EYS: variants seen among roughly 807,000 people sequenced by gnomAD.
EYS encodes the protein protein eyes shut homolog.
In EYS, 250 loss-of-function variants were observed where a neutral mutation model predicts 282.1. The observed-to-expected ratio is 0.89, with a 90% CI of 0.80 to 0.98. The LOEUF (loss-of-function observed/expected upper bound fraction) is 0.98, where lower values mean the gene tolerates loss of function less well. Ranked by LOEUF, EYS falls within the 50% of genes least tolerant of loss-of-function variation. The pLI is 0.00. For missense variants in EYS, 4,016 were observed against 3,709.0 expected, an observed-to-expected ratio of 1.08 and a Z score of -2.15; for synonymous variants, 1,355 against 1,282.9, an observed-to-expected ratio of 1.06 and a Z score of -1.20.
chr6:65,377,624 C>G (rs1261792899), intron 8 of EYS, among the ~76,000 whole-genome samples: 1 of 151,864 alleles, frequency 6.6e-6, no homozygotes, highest in Non-Finnish European at 1.5e-5. Flanking sequence ...AGATAGACCA[C>G]TAGCCAGTCT....
chr6:64,023,393 A>C (rs1397162620), intron 33 of EYS, among the ~76,000 whole-genome samples: 1 of 152,236 alleles, frequency 6.6e-6, no homozygotes, highest in East Asian at 1.9e-4. Context: ...TATAGTAAAT[A>C]CGTGTTTAAC....
chr6:63,908,170 A>G (rs1773831484), intron 35 of EYS, among the ~76,000 whole-genome samples: 1 of 151,542 alleles, frequency 6.6e-6, no homozygotes, highest in Non-Finnish European at 1.5e-5. Flanking sequence ...GCTGTGATAA[A>G]CATACAAGTG....
intron 35 of EYS, among the ~76,000 whole-genome samples, chr6:63,938,369 TCC>T (rs1280991644): frequency 3.3e-5 from 5 of 152,264 alleles, no homozygotes; most frequent in Middle Eastern, 3.4e-3. Context: ...GAAAGGGATG[TCC>T]CTCAGGTTCT....
intron 12 of EYS, among the ~76,000 whole-genome samples, chr6:65,103,819 AAT>A (rs1335647792): frequency 6.6e-6 from 1 of 151,418 alleles, no homozygotes; most frequent in East Asian, 1.9e-4. Flanking sequence ...CTATAGCATT[AAT>A]AGTCACCCCC....
chr6:65,236,902 A>G (rs1350532465), intron 12 of EYS, among the ~76,000 whole-genome samples: 1 of 152,168 alleles, frequency 6.6e-6, no homozygotes, highest in African/African-American at 2.4e-5. Flanking sequence ...GGCCAATACA[A>G]TGAATGTGGT....
At chr6:64,290,650 G>A (rs1562289769) in intron 30 of EYS, among the ~76,000 whole-genome samples, 1 of 151,862 alleles carries the variant, frequency 6.6e-6, no homozygotes, top group East Asian at 1.9e-4. Flanking sequence ...CATTCTTGGT[G>A]GGGGGCTTAG....
In EYS at chr6:65,384,375, A is replaced by C; in HGVS notation, c.1299+11T>G. The C allele has an allele frequency of 6.8e-7, 1 of 1,478,208 alleles. No homozygotes were observed. The highest frequency in any genetic ancestry group is 9.4e-7 in the Non-Finnish European group (1 of 1,059,750). 91.6% of individuals were successfully genotyped at this position (1,478,208 alleles called of 1,614,324 possible). ...GGGCTAACTTATGTTGCCATGTATT[A>C]AATTACTTACTTTGAATCTTCCAAT... On this transcript the variant is annotated intron_variant, in intron 8 of 42. Transcript: ENST00000503581.
chr6:64,815,215 C>G (rs919237693), intron 21 of EYS: 2 of 456,764 alleles, frequency 4.4e-6, no homozygotes, highest in Non-Finnish European at 8.8e-6. Flanking sequence ...ATTTGTTCCA[C>G]TTTTGCTGAA....
At chr6:64,837,855 G>A (rs1033703040) in intron 19 of EYS, among the ~76,000 whole-genome samples, 1 of 151,166 alleles carries the variant, frequency 6.6e-6, no homozygotes, top group East Asian at 1.9e-4. Context: ...TAGGAAGGGT[G>A]GGAGAGTGAG....
At chr6:64,811,649 G>C (rs1185588916) in intron 22 of EYS, among the ~76,000 whole-genome samples, 6 of 152,060 alleles carry the variant, frequency 3.9e-5, no homozygotes, top group Non-Finnish European at 8.8e-5. Context: ...TTAGTTCTGG[G>C]TACAGTGGTT....
At chr6:64,346,321 G>T (rs1313390510) in intron 29 of EYS, among the ~76,000 whole-genome samples, 1 of 152,022 alleles carries the variant, frequency 6.6e-6, no homozygotes, top group African/African-American at 2.4e-5. Flanking sequence ...AACAATGATA[G>T]ACTGGATTAA....
intron 12 of EYS, among the ~76,000 whole-genome samples, chr6:65,131,688 C>G (rs909207198): frequency 6.6e-6 from 1 of 151,638 alleles, no homozygotes; most frequent in Non-Finnish European, 1.5e-5. Context: ...AGCAAACCAA[C>G]CCCAAAGCTA....
At position 65,133,897 on chromosome 6, in the gene EYS, A is replaced by G. The variant is rs554730740; in HGVS notation, c.2024-76170T>C. On this transcript the variant is annotated intron_variant, in intron 12 of 42. Coordinates refer to ENST00000503581, the MANE Select transcript of EYS (RefSeq NM_001142800.2). ...GACAAAGGTCTAATATCTAGCATCTATAAGGAACTTAAACAAATTTACAAG... is the reference window on the plus strand; with the variant it reads ...GACAAAGGTCTAATATCTAGCATCTGTAAGGAACTTAAACAAATTTACAAG... Among the ~76,000 whole-genome samples, 21 of 150,952 alleles carry G rather than the reference A, an allele frequency of 1.4e-4. No individual in the cohort carries two copies. In the South Asian group the frequency reaches 4.0e-3, roughly 28 times the overall value.
chr6:64,685,085 G>A (rs1375871761), intron 22 of EYS, among the ~76,000 whole-genome samples: 1 of 151,944 alleles, frequency 6.6e-6, no homozygotes, highest in African/African-American at 2.4e-5. Flanking sequence ...ATGAAAAGCA[G>A]TATGTTGTGG....
chr6:64,037,307 A>G (rs553265648), intron 33 of EYS, among the ~76,000 whole-genome samples: 2 of 152,336 alleles, frequency 1.3e-5, no homozygotes, highest in Admixed American at 6.5e-5. Flanking sequence ...ACTTCACAAA[A>G]TAGCAATCTG....
intron 24 of EYS, among the ~76,000 whole-genome samples, chr6:64,608,926 A>G (rs1362118773): frequency 6.6e-6 from 1 of 152,194 alleles, no homozygotes; most frequent in African/African-American, 2.4e-5. Context: ...CAGGAGGATC[A>G]CAGAGGATTT....
chr6:64,561,944 C>T (rs1765408702), intron 26 of EYS, among the ~76,000 whole-genome samples: 1 of 146,458 alleles, frequency 6.8e-6, no homozygotes, highest in African/African-American at 2.5e-5. Flanking sequence ...AAAAAGAGCT[C>T]CAATCCTAAG....
chr6:65,557,192 T>G (rs779122176), intron 2 of EYS, among the ~76,000 whole-genome samples: 2 of 152,288 alleles, frequency 1.3e-5, no homozygotes, highest in Non-Finnish European at 2.9e-5. Context: ...TGAGATTTGC[T>G]GGCACCTGCT....
intron 26 of EYS, among the ~76,000 whole-genome samples, chr6:64,480,232 T>C (rs1243404237): frequency 2.0e-5 from 3 of 151,964 alleles, no homozygotes; most frequent in Non-Finnish European, 4.4e-5. Flanking sequence ...TTATTTCTTA[T>C]GGGTGTGAAC....
Sources: allele counts gnomAD v4.1 joint callset (sites outside exome capture counted in the v4.1 genomes callset), GRCh38; gene constraint gnomAD v4.1.1; transcripts MANE v1.5; gene names NCBI Gene and HGNC (gene_info 2026-07-23, HGNC 2026-07-21).